The following NUP160 variants were observed in gnomAD, a reference collection of about 807,000 sequenced individuals.
NUP160 encodes the protein nuclear pore complex protein Nup160.
Under a neutral mutation model 196.9 loss-of-function variants are expected in NUP160, and 94 were observed. That is an observed-to-expected ratio of 0.48 (90% CI 0.40 to 0.57). The LOEUF (loss-of-function observed/expected upper bound fraction) is 0.57, where lower values mean the gene tolerates loss of function less well. Ranked by LOEUF, NUP160 falls within the 20% of genes least tolerant of loss-of-function variation. NUP160 has a pLI of 0.00. For missense variants in NUP160, 1,638 were observed against 1,748.3 expected, an observed-to-expected ratio of 0.94 and a Z score of 1.13; for synonymous variants, 605 against 619.7, an observed-to-expected ratio of 0.98 and a Z score of 0.35.
intron 2 of NUP160, chr11:47,841,596 C>A: frequency 4.6e-6 from 2 of 431,680 alleles, no homozygotes; most frequent in South Asian, 2.1e-5. Context: ...CGAAGACAGC[C>A]AGTGTTACAA....
chr11:47,842,607 CA>C (rs2135405166), intron 2 of NUP160, among the ~76,000 whole-genome samples: 1 of 152,208 alleles, frequency 6.6e-6, no homozygotes, highest in Non-Finnish European at 1.5e-5. Flanking sequence ...AATCAGATAC[CA>C]CCTGCTACCC....
chr11:47,813,276 T>C (rs1023537291), intron 14 of NUP160, 40 bp downstream of exon 14: 8 of 1,387,022 alleles, frequency 5.8e-6, no homozygotes, highest in African/African-American at 2.8e-5. Flanking sequence ...AGGGTTTATA[T>C]AGGAAGGGGA....
At chr11:47,782,626 C>T (rs982504867) in intron 34 of NUP160, among the ~76,000 whole-genome samples, 7 of 151,220 alleles carry the variant, frequency 4.6e-5, no homozygotes, top group African/African-American at 7.3e-5. Context: ...AAAAACTGAA[C>T]GGTTGTATGA....
At position 47,813,305 on chromosome 11, in the gene NUP160, A is replaced by G. The variant is rs760634575; in HGVS notation, c.1786+11T>C. On this transcript the variant is annotated intron_variant, in intron 14 of 35. Coordinates refer to ENST00000378460, the Ensembl canonical transcript of NUP160. ...AAGGGGATTAAATATGGACATAACA[A>G]TTACTATTACCATCAGATATGGTTG... The G allele has an allele frequency of 1.3e-6, 2 of 1,535,824 alleles. No individual in the cohort carries two copies. Among genetic ancestry groups the G allele is most frequent in the Non-Finnish European group, 1.8e-6 (2 of 1,109,178 alleles).
At chr11:47,813,560 T>C in intron 13 of NUP160, 145 bp from the exon 14 acceptor site, 3 of 596,068 alleles carry the variant, frequency 5.0e-6, no homozygotes, top group Non-Finnish European at 9.0e-6. Flanking sequence ...CTGGGCACAG[T>C]GGCTCACATC....
chr11:47,779,224 T>C (rs943772795), intron 35 of NUP160, 30 bp from the exon 36 acceptor site: 20 of 1,393,282 alleles, frequency 1.4e-5, no homozygotes, highest in Non-Finnish European at 2.0e-5. Flanking sequence ...AAACATTACA[T>C]AACAGCTCAA....
chr11:47,835,946 T>C, intron 6 of NUP160, 137 bp from the exon 7 acceptor site: 1 of 707,442 alleles, frequency 1.4e-6, no homozygotes, highest in South Asian at 2.9e-5. Flanking sequence ...CAGGTTTTTG[T>C]TTCAAAAGGG....
exon 18 of NUP160, chr11:47,808,528 A>C (rs1002937379): frequency 3.7e-6 from 6 of 1,613,420 alleles, no homozygotes; most frequent in Non-Finnish European, 5.1e-6. Context: ...TCCCCAAATC[A>C]CCTATACATT....
chr11:47,785,816 CTAA>C (rs1362990170), intron 32 of NUP160, among the ~76,000 whole-genome samples: 9 of 152,136 alleles, frequency 5.9e-5, no homozygotes, highest in African/African-American at 2.2e-4. Flanking sequence ...GGGTTGAAAA[CTAA>C]TGTCAGAGAA....
At position 47,783,173 on chromosome 11, in the gene NUP160, C is replaced by T. The variant is rs759742832; in HGVS notation, c.4016G>A (p.Arg1339His). 19 of 1,613,340 alleles carry T rather than the reference C, an allele frequency of 1.2e-5. No homozygotes were observed. In the South Asian group the frequency reaches 1.6e-4, roughly 14 times the overall value. Residue 1339 changes from arginine to histidine, a missense_variant, in exon 34 of 36, where the codon CGT becomes CAT. This residue lies in a region of NUP160 where 1,345 missense variants were observed against 1,470.2 expected (regional missense o/e 0.91). Coordinates refer to ENST00000378460, the Ensembl canonical transcript of NUP160. Reference sequence around the variant, plus strand: ...TAAAAGGTCATAGTTTAAGTATAAACGAAGCAATTCAGCAGCATCAACCTT... The same window carrying T: ...TAAAAGGTCATAGTTTAAGTATAAATGAAGCAATTCAGCAGCATCAACCTT...
At chr11:47,817,043 AAG>A (rs1248153232) in intron 11 of NUP160, among the ~76,000 whole-genome samples, 1 of 151,008 alleles carries the variant, frequency 6.6e-6, no homozygotes, top group Non-Finnish European at 1.5e-5. Context: ...TGGCATGATC[AAG>A]GCTCACCATA....
intron 21 of NUP160, among the ~76,000 whole-genome samples, chr11:47,803,957 G>A (rs1002314874): frequency 6.6e-6 from 1 of 152,130 alleles, no homozygotes; most frequent in Non-Finnish European, 1.5e-5. Context: ...GAGACGGGTG[G>A]ATCACCTGAG....
intron 29 of NUP160, among the ~76,000 whole-genome samples, chr11:47,789,336 T>G (rs1409028165): frequency 6.6e-6 from 1 of 152,220 alleles, no homozygotes; most frequent in Non-Finnish European, 1.5e-5. Flanking sequence ...TGTGAAATAC[T>G]GTCTGTCATC....
intron 27 of NUP160, among the ~76,000 whole-genome samples, chr11:47,795,081 T>C (rs902692916): frequency 2.0e-5 from 3 of 151,898 alleles, no homozygotes; most frequent in Admixed American, 6.6e-5. Context: ...GGCTGATCGA[T>C]AGAGTGAGAC....
At chr11:47,804,421 T>C (rs537360402) in intron 21 of NUP160, 128 bp downstream of exon 21, 2 of 648,226 alleles carry the variant, frequency 3.1e-6, no homozygotes, top group East Asian at 3.1e-5. Context: ...CTTTGGGGTA[T>C]GTCTTCACAT....
chr11:47,842,470 GTT>G (rs1303359010), intron 2 of NUP160, among the ~76,000 whole-genome samples: 2 of 152,130 alleles, frequency 1.3e-5, no homozygotes, highest in African/African-American at 4.8e-5. Context: ...TGACCCCAGA[GTT>G]TTCTCTACCA....
chr11:47,803,990 C>T (rs1037049334), intron 21 of NUP160, among the ~76,000 whole-genome samples: 9 of 151,830 alleles, frequency 5.9e-5, no homozygotes, highest in Non-Finnish European at 1.3e-4. Flanking sequence ...AGACCAGCCT[C>T]GCCAACATAG....
chr11:47,848,180 G>A (rs370643886), intron 1 of NUP160, 39 bp downstream of exon 1: 14 of 1,607,810 alleles, frequency 8.7e-6, no homozygotes, highest in Non-Finnish European at 1.2e-5. Context: ...GAGCCCGAGG[G>A]GACAGATGGG....
At chr11:47,785,084 C>T in intron 32 of NUP160, 21 bp from the exon 33 acceptor site, 2 of 1,460,236 alleles carry the variant, frequency 1.4e-6, no homozygotes, top group East Asian at 4.9e-5. Flanking sequence ...ACAAAAATGA[C>T]TAATGAGTTT....
Sources: allele counts gnomAD v4.1 joint callset (sites outside exome capture counted in the v4.1 genomes callset), GRCh38; gene constraint gnomAD v4.1.1; regional missense constraint gnomAD v4.1.1; transcripts MANE v1.5; gene names NCBI Gene and HGNC (gene_info 2026-07-23, HGNC 2026-07-21).